GDAP1: variants seen among roughly 807,000 people sequenced by gnomAD.
The protein encoded by GDAP1 is ganglioside induced differentiation associated protein 1, also known as ganglioside-induced differentiation-associated protein 1.
GDAP1 carries 34 observed loss-of-function variants against 40.1 expected under a neutral mutation model. The observed-to-expected ratio is 0.85, with a 90% confidence interval of 0.64 to 1.13. The LOEUF (loss-of-function observed/expected upper bound fraction) is 1.13, where lower values mean the gene tolerates loss of function less well. Ranked by LOEUF, GDAP1 falls within the 50% of genes most tolerant of loss-of-function variation. The pLI is 0.00. For synonymous variants in GDAP1, 170 were observed against 157.4 expected (o/e 1.08, Z -0.60); for missense variants, 374 against 433.7 (o/e 0.86, Z 1.22).
At chr8:74,466,679 T>G (rs1393821559) in intron 2 of GDAP1, among the ~76,000 whole-genome samples, 1 of 152,182 alleles carries the variant, frequency 6.6e-6, no homozygotes, top group Non-Finnish European at 1.5e-5. Flanking sequence ...ATAGGAACAG[T>G]TTTTACATGT....
intron 2 of GDAP1, among the ~76,000 whole-genome samples, chr8:74,413,468 A>G (rs1012747265): frequency 8.7e-5 from 13 of 149,584 alleles, no homozygotes; most frequent in Non-Finnish European, 5.9e-5. Context: ...CTAGTTATGG[A>G]TTAGTCCTAG....
chr8:74,355,126 A>G (rs987282943), intron 2 of GDAP1, among the ~76,000 whole-genome samples: 4 of 152,186 alleles, frequency 2.6e-5, no homozygotes, highest in Non-Finnish European at 4.4e-5. Context: ...ACCCTTTTCA[A>G]GTCATAGCCT....
chr8:74,360,926 G>A (rs1218199049), intron 3 of GDAP1, among the ~76,000 whole-genome samples: 1 of 152,216 alleles, frequency 6.6e-6, no homozygotes, highest in East Asian at 1.9e-4. Context: ...CTTTGGGAAT[G>A]TTGATCAGAA....
chr8:74,398,168 G>C (rs1015388785), intron 2 of GDAP1, among the ~76,000 whole-genome samples: 1 of 151,956 alleles, frequency 6.6e-6, no homozygotes, highest in Non-Finnish European at 1.5e-5. Context: ...GTCTGTTATT[G>C]GTGTATAAGA....
chr8:74,477,274 T>G (rs534690629), intron 2 of GDAP1, among the ~76,000 whole-genome samples: 1 of 152,302 alleles, frequency 6.6e-6, no homozygotes, highest in South Asian at 2.1e-4. Flanking sequence ...AGATTCCATA[T>G]TTTTGATTCC....
At chr8:74,375,082 C>T (rs1809828572) in intron 2 of GDAP1, among the ~76,000 whole-genome samples, 1 of 152,188 alleles carries the variant, frequency 6.6e-6, no homozygotes, top group South Asian at 2.1e-4. Flanking sequence ...AATCCCAGAT[C>T]TTGGGAGGTC....
chr8:74,422,175 C>A (rs1352895188), intron 2 of GDAP1, among the ~76,000 whole-genome samples: 2 of 145,252 alleles, frequency 1.4e-5, no homozygotes, highest in African/African-American at 5.5e-5. Context: ...TCTTTCTTTT[C>A]TTTCTTTCTT....
chr8:74,479,025 A>T (rs1806672381), intron 2 of GDAP1, among the ~76,000 whole-genome samples: 1 of 152,008 alleles, frequency 6.6e-6, no homozygotes, highest in African/African-American at 2.4e-5. Context: ...CTGGGAGTGC[A>T]CCAGTCTTTC....
At chr8:74,400,983 A>C (rs570502085) in intron 2 of GDAP1, among the ~76,000 whole-genome samples, 89 of 149,758 alleles carry the variant, frequency 5.9e-4, no homozygotes, top group Non-Finnish European at 1.2e-3. Flanking sequence ...GCTGCCCTTA[A>C]CATTTTTTCC....
At chr8:74,422,390 CTTCCTTCT>C (rs1412748884) in intron 2 of GDAP1, among the ~76,000 whole-genome samples, 2 of 112,726 alleles carry the variant, frequency 1.8e-5, no homozygotes, top group African/African-American at 7.1e-5. Flanking sequence ...TCCTTCCTTC[CTTCCTTCT>C]GTCTCTCTCT....
chr8:74,472,939 G>A, intron 2 of GDAP1, among the ~76,000 whole-genome samples: 1 of 151,786 alleles, frequency 6.6e-6, no homozygotes, highest in East Asian at 1.9e-4. Context: ...TTGTAGAGAT[G>A]GGGTTTCACC....
rs1044294075 is a variant in GDAP1, at chr8:74,468,116, A to AT, written c.166-20553dup. On this transcript the variant is annotated intron_variant, in intron 2 of 2. Transcript: ENST00000523640. ...GGCCTACCTGTGGACTTACTGTTCT[A>AT]TTTTTTTTTGGTCTGTTATTTACAT... 5.8e-3 allele frequency among the ~76,000 whole-genome samples: 866 copies of AT among 149,006 alleles called. 4 individuals carry two copies. The highest frequency in any genetic ancestry group is 0.015 in the African/African-American group (618 of 40,542).
At chr8:74,414,912 C>T (rs543840245) in intron 2 of GDAP1, among the ~76,000 whole-genome samples, 5 of 149,578 alleles carry the variant, frequency 3.3e-5, no homozygotes, top group East Asian at 3.9e-4. Flanking sequence ...AAACTAAAGA[C>T]GAAAAAAATT....
chr8:74,419,102 C>T (rs1333260618), intron 2 of GDAP1, among the ~76,000 whole-genome samples: 1 of 152,164 alleles, frequency 6.6e-6, no homozygotes, highest in Non-Finnish European at 1.5e-5. Flanking sequence ...GGTGTAGTCA[C>T]TCTGAAACAT....
chr8:74,486,550 A>G (rs568370437), intron 2 of GDAP1, among the ~76,000 whole-genome samples: 1 of 152,330 alleles, frequency 6.6e-6, no homozygotes, highest in African/African-American at 2.4e-5. Context: ...TTTCACACAA[A>G]GAGGTTGAAA....
At chr8:74,395,097 T>C (rs988299990) in intron 2 of GDAP1, among the ~76,000 whole-genome samples, 3 of 152,242 alleles carry the variant, frequency 2.0e-5, no homozygotes, top group African/African-American at 7.2e-5. Context: ...TATTTCAGTT[T>C]CTGATGCCCA....
At position 74,488,092 on chromosome 8, in the gene GDAP1, T is replaced by C. The variant is rs560679068; in HGVS notation, c.166-586T>C. 3.9e-5 allele frequency among the ~76,000 whole-genome samples: 6 copies of C among 152,286 alleles called. 1 individual carries two copies. Among genetic ancestry groups the C allele is most frequent in the African/African-American group, 1.4e-4 (6 of 41,550 alleles). On this transcript the variant is annotated intron_variant, in intron 2 of 2. Transcript: ENST00000523640. Reference sequence around the variant, plus strand: ...AGAGCTTTTTCAATATGTACCTCTATTTCTTGTACATTCTAGTGATTCTAC... The same window carrying C: ...AGAGCTTTTTCAATATGTACCTCTACTTCTTGTACATTCTAGTGATTCTAC...
intron 2 of GDAP1, among the ~76,000 whole-genome samples, chr8:74,428,227 T>TAACAAC (rs112829936): frequency 6.6e-6 from 1 of 151,248 alleles, no homozygotes; most frequent in African/African-American, 2.4e-5. Flanking sequence ...ACCCCATTGC[T>TAACAAC]AACAACAACA....
chr8:74,410,066 T>C (rs528245625), intron 2 of GDAP1, among the ~76,000 whole-genome samples: 1 of 150,106 alleles, frequency 6.7e-6, no homozygotes, highest in South Asian at 2.1e-4. Context: ...TATAAGTGCA[T>C]GCTTATCACT....
Sources: gnomAD v4.1 joint callset for allele counts (sites outside exome capture counted in the v4.1 genomes callset) on GRCh38, gnomAD v4.1.1 for gene constraint, MANE v1.5 for transcripts, NCBI Gene and HGNC (gene_info 2026-07-23, HGNC 2026-07-21) for gene names.